CDH13: variants seen among roughly 807,000 people sequenced by gnomAD.
CDH13 encodes cadherin 13.
CDH13 carries 24 observed loss-of-function variants against 63.8 expected under a neutral mutation model. That is an observed-to-expected ratio of 0.38 (90% confidence interval 0.27 to 0.53). CDH13 has a LOEUF of 0.53. Ranked by LOEUF, CDH13 falls within the 20% of genes least tolerant of loss-of-function variation. The pLI is 0.85. For synonymous variants in CDH13, 503 were observed against 355.3 expected, an observed-to-expected ratio of 1.42 and a Z score of -4.67; for missense variants, 1,049 against 903.1, an observed-to-expected ratio of 1.16 and a Z score of -2.07.
chr16:83,027,504 G>A (rs905657456), intron 2 of CDH13, among the ~76,000 whole-genome samples: 3 of 152,178 alleles, frequency 2.0e-5, no homozygotes, highest in Admixed American at 6.5e-5. Flanking sequence ...GGAGATGCAA[G>A]AGTGGGTGAG....
At chr16:83,189,017 A>G (rs754125832) in intron 4 of CDH13, among the ~76,000 whole-genome samples, 2 of 152,200 alleles carry the variant, frequency 1.3e-5, no homozygotes, top group African/African-American at 2.4e-5. Flanking sequence ...CTCATCCTGC[A>G]TTAGTAATAT....
intron 4 of CDH13, among the ~76,000 whole-genome samples, chr16:83,194,380 A>C (rs1214085685): frequency 2.0e-5 from 3 of 152,262 alleles, no homozygotes; most frequent in East Asian, 3.9e-4. Flanking sequence ...CATAGAAAGA[A>C]AAACCACATT....
At chr16:83,285,626 G>A (rs1444022575) in intron 5 of CDH13, among the ~76,000 whole-genome samples, 1 of 152,138 alleles carries the variant, frequency 6.6e-6, no homozygotes, top group African/African-American at 2.4e-5. Context: ...ATGATTTCAA[G>A]TATACAGTGG....
chr16:82,997,264 C>T (rs1912349876), intron 2 of CDH13, among the ~76,000 whole-genome samples: 1 of 151,918 alleles, frequency 6.6e-6, no homozygotes, highest in South Asian at 2.1e-4. Flanking sequence ...AGATATTGTG[C>T]TAAATATTTC....
At chr16:83,383,153 A>G (rs1251922296) in intron 6 of CDH13, 3 of 152,190 alleles carry the variant, frequency 2.0e-5, no homozygotes, top group Non-Finnish European at 4.4e-5. Context: ...GTGATGCTCA[A>G]CGTGGTCCAT....
chr16:83,368,768 A>G (rs1232831140), intron 6 of CDH13, among the ~76,000 whole-genome samples: 1 of 151,040 alleles, frequency 6.6e-6, no homozygotes, highest in Non-Finnish European at 1.5e-5. Context: ...AATATATGAC[A>G]TTCGATTTTC....
chr16:83,555,021 C>CA (rs2075575794), intron 7 of CDH13, among the ~76,000 whole-genome samples: 1 of 151,716 alleles, frequency 6.6e-6, no homozygotes, highest in African/African-American at 2.4e-5. Context: ...CCTGCGGGGC[C>CA]AGAGGTGGAG....
intron 1 of CDH13, among the ~76,000 whole-genome samples, chr16:82,675,243 G>A (rs765909013): frequency 3.3e-5 from 5 of 152,102 alleles, no homozygotes; most frequent in African/African-American, 4.8e-5. Flanking sequence ...TTGTGGCATC[G>A]CTTTCTTGGT....
At chr16:83,021,849 C>A (rs564997903) in intron 2 of CDH13, among the ~76,000 whole-genome samples, 1 of 152,128 alleles carries the variant, frequency 6.6e-6, no homozygotes, top group Non-Finnish European at 1.5e-5. Flanking sequence ...AACACGGAAG[C>A]CCAATACGCA....
chr16:82,804,649 T>C (rs73604896), intron 1 of CDH13, among the ~76,000 whole-genome samples: 8,436 of 152,190 alleles, frequency 0.055, 688 homozygotes, highest in African/African-American at 0.18. Flanking sequence ...AGACACTGTA[T>C]GTATGAAACA....
At chr16:82,707,519 T>G (rs1250178482) in intron 1 of CDH13, among the ~76,000 whole-genome samples, 1 of 152,184 alleles carries the variant, frequency 6.6e-6, no homozygotes, top group Non-Finnish European at 1.5e-5. Flanking sequence ...ATATTTTTCC[T>G]TATTTTAAAG....
At chr16:83,561,618 C>T (rs1048691880) in intron 7 of CDH13, among the ~76,000 whole-genome samples, 1 of 152,168 alleles carries the variant, frequency 6.6e-6, no homozygotes, top group Non-Finnish European at 1.5e-5. Context: ...AGGTTAAATT[C>T]ATGTATTTTC....
At chr16:83,744,017 A>G (rs371213112) in intron 10 of CDH13, among the ~76,000 whole-genome samples, 6 of 151,954 alleles carry the variant, frequency 3.9e-5, no homozygotes, top group African/African-American at 1.5e-4. Context: ...AGCCTCTCTG[A>G]TTCTTGGTTA....
intron 1 of CDH13, among the ~76,000 whole-genome samples, chr16:82,671,588 T>C (rs1220241623): frequency 2.0e-5 from 3 of 152,350 alleles, no homozygotes; most frequent in Admixed American, 6.5e-5. Context: ...CATAGGTTTG[T>C]TTTTCTCACT....
intron 6 of CDH13, among the ~76,000 whole-genome samples, chr16:83,444,536 A>C (rs2072608498): frequency 6.6e-6 from 1 of 152,230 alleles, no homozygotes. Context: ...GATGAGTGGC[A>C]GAACCAGGCT....
chr16:82,635,997 C>T (rs945820468), intron 1 of CDH13, among the ~76,000 whole-genome samples: 1 of 152,110 alleles, frequency 6.6e-6, no homozygotes, highest in Non-Finnish European at 1.5e-5. Flanking sequence ...GCCATACTTC[C>T]TCTACAGCAT....
chr16:83,120,092 T>C (rs149158464), intron 3 of CDH13, among the ~76,000 whole-genome samples: 52 of 151,952 alleles, frequency 3.4e-4, no homozygotes, highest in African/African-American at 1.1e-3. Flanking sequence ...GACATGCACA[T>C]GGTGACTTCT....
chr16:83,789,699 C>G (rs979209081), intron 13 of CDH13, among the ~76,000 whole-genome samples: 2 of 152,134 alleles, frequency 1.3e-5, no homozygotes, highest in African/African-American at 2.4e-5. Context: ...ATAGTCCTTA[C>G]AAGAATTTTG....
chr16:83,545,694 C>G (rs187877594), intron 7 of CDH13, among the ~76,000 whole-genome samples: 1 of 152,124 alleles, frequency 6.6e-6, no homozygotes, highest in African/African-American at 2.4e-5. Context: ...CATACAGTTC[C>G]TCTCCCTGCC....
Sources: allele counts gnomAD v4.1 joint callset (sites outside exome capture counted in the v4.1 genomes callset), GRCh38; gene constraint gnomAD v4.1.1; transcripts MANE v1.5; gene names NCBI Gene and HGNC (gene_info 2026-07-23, HGNC 2026-07-21).